Variants in DDX6 observed in about 807,000 individuals in gnomAD.
DDX6 encodes DEAD-box helicase 6.
Under a neutral mutation model 60.6 loss-of-function variants are expected in DDX6, and 7 were observed. The ratio of observed to expected loss-of-function variants is 0.12; its 90% CI spans 0.07 to 0.22. The LOEUF is 0.22. DDX6 is among the 10% of genes least tolerant of loss of function. The pLI, the probability that DDX6 is intolerant of heterozygous loss-of-function variation, is 1.00. For missense variants in DDX6, 270 were observed against 589.9 expected (o/e 0.46, Z 5.62); for synonymous variants, 207 against 201.0 (o/e 1.03, Z -0.25).
chr11:118,768,097 C>A, intron 5 of DDX6, 126 bp downstream of exon 5: 4 of 951,498 alleles, frequency 4.2e-6, no homozygotes, highest in Non-Finnish European at 5.9e-6. Context: ...AAAGAAAAAA[C>A]CTGAAAAGAA....
At chr11:118,755,561 TACTA>T (rs782664419) in intron 11 of DDX6, 58 bp from the exon 12 acceptor site, 21 of 903,558 alleles carry the variant, frequency 2.3e-5, no homozygotes, top group Non-Finnish European at 3.6e-5. Context: ...CTCAGTACAA[TACTA>T]ACACATATTT....
rs539158162 is a variant in DDX6, at chr11:118,758,491, G to A, written c.993+283C>T. ...TGGGTTCAAGCAATTCTCCTGCCTC[G>A]GCCTCCCAAGTAGCTGGGATTATGG... On this transcript the variant is annotated intron_variant, in intron 9 of 13. Transcript: ENST00000534980. Among the ~76,000 whole-genome samples, 120 of 151,710 alleles carry A rather than the reference G, an allele frequency of 7.9e-4. 1 individual carries two copies. Among genetic ancestry groups the A allele is most frequent in the Non-Finnish European group, 2.1e-4 (14 of 67,896 alleles).
At chr11:118,773,298 G>A (rs374112555) in intron 4 of DDX6, among the ~76,000 whole-genome samples, 4 of 152,276 alleles carry the variant, frequency 2.6e-5, no homozygotes, top group South Asian at 2.1e-4. Flanking sequence ...GGCCGGGCGC[G>A]GTGGCTCACG....
chr11:118,761,600 A>T (rs1182699356), intron 7 of DDX6, among the ~76,000 whole-genome samples: 5 of 150,724 alleles, frequency 3.3e-5, no homozygotes, highest in African/African-American at 1.2e-4. Flanking sequence ...CGGGGCAACG[A>T]GACTCTGTCT....
chr11:118,784,746 C>T lies in DDX6; in HGVS notation c.200+1306G>A, dbSNP rs903920336. ...TGCTGGGATTAAAGGCGTGAGCTACCGCACCTGGCCTTTTTTTTTTTTGAG... is the reference window on the plus strand; with the variant it reads ...TGCTGGGATTAAAGGCGTGAGCTACTGCACCTGGCCTTTTTTTTTTTTGAG... On this transcript the variant is annotated intron_variant, in intron 2 of 13. Transcript: ENST00000534980. 6.0e-5 allele frequency among the ~76,000 whole-genome samples: 9 copies of T among 150,924 alleles called. No individual in the cohort carries two copies. In the East Asian group the frequency reaches 9.7e-4, roughly 16 times the overall value.
chr11:118,759,340 G>A (rs554732493), intron 8 of DDX6: 25 of 156,216 alleles, frequency 1.6e-4, no homozygotes, highest in African/African-American at 5.0e-4. Context: ...TTACAGGCAT[G>A]AGCCACCATG....
At position 118,748,443 on chromosome 11, in the gene DDX6, G is replaced by C. The variant is rs1860634495; in HGVS notation, c.*3662C>G. On this transcript the variant is annotated 3_prime_UTR_variant, in exon 14 of 14. Transcript: ENST00000534980. ...TACAATCTCACAGAAGTCCACTAAA[G>C]TTCACCAAAAAGCTGACTTACTTCA... 1 of 152,094 alleles carries C rather than the reference G, an allele frequency of 6.6e-6. No individual in the cohort carries two copies. Among genetic ancestry groups the C allele is most frequent in the African/African-American group, 2.4e-5 (1 of 41,416 alleles). 9.4% of individuals were successfully genotyped at this position (152,094 alleles called of 1,614,324 possible).
intron 4 of DDX6, among the ~76,000 whole-genome samples, chr11:118,769,698 G>T (rs543143791): frequency 2.0e-5 from 2 of 99,662 alleles, no homozygotes; most frequent in East Asian, 6.9e-4. Flanking sequence ...TTGTTAAAAG[G>T]AAATTATGTG....
intron 10 of DDX6, 71 bp downstream of exon 10, chr11:118,757,100 A>C: frequency 1.2e-6 from 1 of 847,270 alleles, no homozygotes; most frequent in South Asian, 2.5e-5. Flanking sequence ...AGGACATTTA[A>C]AAGAACATTA....
At chr11:118,757,454 G>A (rs1161606967) in intron 9 of DDX6, among the ~76,000 whole-genome samples, 167 bp from the exon 10 acceptor site, 5 of 152,034 alleles carry the variant, frequency 3.3e-5, no homozygotes, top group African/African-American at 7.3e-5. Flanking sequence ...AATAATAGAT[G>A]GAAGATAATA....
In DDX6 at chr11:118,760,190, G is replaced by T. The variant is rs892876675; in HGVS notation, c.742-146C>A. 33 of 783,974 alleles carry T rather than the reference G, an allele frequency of 4.2e-5. No homozygotes were observed. The Admixed American group carries it at 7.5e-4, about 18-fold the overall frequency. 48.6% of individuals were successfully genotyped at this position (783,974 alleles called of 1,614,324 possible). On this transcript the variant is annotated intron_variant, in intron 7 of 13. Coordinates refer to ENST00000534980, the MANE Select transcript of DDX6 (RefSeq NM_004397.6). ...AAAACAATAAATTCTCTCCAACACTGCAGAGAGTCAAATATGCAGAAGGGG... is the reference window on the plus strand; with the variant it reads ...AAAACAATAAATTCTCTCCAACACTTCAGAGAGTCAAATATGCAGAAGGGG...
At position 118,759,793 on chromosome 11, in the gene DDX6, GAAGA is replaced by G. The variant is rs137936195; in HGVS notation, c.864+125_864+128del. On this transcript the variant is annotated intron_variant, in intron 8 of 13. Transcript: ENST00000534980. The stretch of plus-strand genomic sequence containing the variant: ...AAAACAAATCTTTAATTGATCAACT[GAAGA>G]AAGAGCCAAAGGCTTGAAATAATTA... The G allele has an allele frequency of 6.4e-3, 6,725 of 1,048,212 alleles. 308 individuals carry two copies. In the African/African-American group the frequency reaches 0.098, roughly 15 times the overall value. 64.9% of individuals were successfully genotyped at this position (1,048,212 alleles called of 1,614,324 possible).
intron 4 of DDX6, among the ~76,000 whole-genome samples, chr11:118,775,308 CCT>C (rs1474259594): frequency 2.0e-5 from 3 of 152,100 alleles, no homozygotes; most frequent in Non-Finnish European, 4.4e-5. Flanking sequence ...AGAGCAAAAC[CCT>C]GTCTCAAAAA....
chr11:118,762,273 C>CAAA (rs782743103), intron 7 of DDX6, among the ~76,000 whole-genome samples: 29 of 131,858 alleles, frequency 2.2e-4, no homozygotes, highest in Admixed American at 6.3e-4. Context: ...GAGTCTGTCT[C>CAAA]AAAAAAAAAA....
At chr11:118,789,481 T>G (rs1862194264) in intron 1 of DDX6, 1 of 152,064 alleles carries the variant, frequency 6.6e-6, no homozygotes, top group African/African-American at 2.4e-5. Context: ...TCAACAGATC[T>G]CAACATTTAT....
chr11:118,761,746 T>C (rs1861173546), intron 7 of DDX6, among the ~76,000 whole-genome samples: 1 of 152,164 alleles, frequency 6.6e-6, no homozygotes, highest in South Asian at 2.1e-4. Context: ...TGCCTATCTA[T>C]TGCATCTGAA....
intron 11 of DDX6, 134 bp downstream of exon 11, chr11:118,756,126 A>G: frequency 3.1e-6 from 2 of 635,626 alleles, no homozygotes; most frequent in South Asian, 4.0e-5. Flanking sequence ...GTTCATTTTC[A>G]ACTTCAGAAA....
chr11:118,778,251 CA>C (rs1861770976), intron 4 of DDX6, among the ~76,000 whole-genome samples: 1 of 152,080 alleles, frequency 6.6e-6, no homozygotes. Flanking sequence ...AAAAAAGTAT[CA>C]TGCCATGAAT....
At chr11:118,772,844 T>C (rs1041570688) in intron 4 of DDX6, among the ~76,000 whole-genome samples, 1 of 152,198 alleles carries the variant, frequency 6.6e-6, no homozygotes, top group Non-Finnish European at 1.5e-5. Flanking sequence ...GAATTACATA[T>C]GCCCTGGTCT....
Sources: allele counts gnomAD v4.1 joint callset (sites outside exome capture counted in the v4.1 genomes callset), GRCh38; gene constraint gnomAD v4.1.1; transcripts MANE v1.5; gene names NCBI Gene and HGNC (gene_info 2026-07-23, HGNC 2026-07-21).